TRPC4: variants seen among roughly 807,000 people sequenced by gnomAD.
TRPC4 encodes short transient receptor potential channel 4.
In TRPC4, 49 loss-of-function variants were observed where a neutral mutation model predicts 99.4. That is an observed-to-expected ratio of 0.49 (90% CI 0.39 to 0.63). The LOEUF is 0.63. Among genes scored for constraint, TRPC4 ranks in the 20% least tolerant of loss-of-function variants. The probability of loss-of-function intolerance (pLI) is 0.00; values close to 1 mark genes in which losing one functional copy is unlikely to be tolerated. For synonymous variants in TRPC4, 454 were observed against 425.9 expected, an observed-to-expected ratio of 1.07 and a Z score of -0.81; for missense variants, 898 against 1,152.9, an observed-to-expected ratio of 0.78 and a Z score of 3.20.
At chr13:37,682,773 C>CA (rs906494099) in intron 4 of TRPC4, among the ~76,000 whole-genome samples, 4 of 152,078 alleles carry the variant, frequency 2.6e-5, no homozygotes, top group African/African-American at 9.7e-5. Context: ...TTTTTAGAGA[C>CA]AGAGTCTCAC....
chr13:37,752,491 T>C (rs1385932368), intron 2 of TRPC4, among the ~76,000 whole-genome samples: 1 of 151,888 alleles, frequency 6.6e-6, no homozygotes, highest in Non-Finnish European at 1.5e-5. Flanking sequence ...GAAGAGCCGG[T>C]CACAGATAGT....
chr13:37,738,625 A>G (rs1009397269), intron 3 of TRPC4, among the ~76,000 whole-genome samples: 3 of 152,180 alleles, frequency 2.0e-5, no homozygotes, highest in African/African-American at 7.2e-5. Context: ...CAAACTTCCC[A>G]GGTGATTCTA....
chr13:37,859,506 A>G (rs1253598049), intron 1 of TRPC4, among the ~76,000 whole-genome samples: 7 of 151,514 alleles, frequency 4.6e-5, no homozygotes, highest in African/African-American at 9.7e-5. Context: ...GAAAACACAC[A>G]TTAACCTCAA....
chr13:37,686,406 A>T (rs1303624782), intron 4 of TRPC4, among the ~76,000 whole-genome samples: 1 of 151,650 alleles, frequency 6.6e-6, no homozygotes, highest in African/African-American at 2.4e-5. Context: ...AAAAACCATA[A>T]CTGGTTATAC....
intron 1 of TRPC4, among the ~76,000 whole-genome samples, chr13:37,867,061 C>A (rs995057967): frequency 6.6e-6 from 1 of 151,516 alleles, no homozygotes; most frequent in Non-Finnish European, 1.5e-5. Flanking sequence ...AGCTATATGG[C>A]AATGATGGTT....
Position 37,745,958 on chromosome 13 carries a change from G to T in TRPC4, c.876C>A (p.Ala292=). ...SGNDLARLKL[A]IKYRQKEFVA... ...TCACCTCTTTTTGACGGTACTTAAT[G>T]GCCAATTTTAGTCTTGCAAGATCAT... is the stretch of plus-strand genomic sequence containing the variant. Residue 292 remains alanine, a synonymous_variant, in exon 3 of 11, where the codon GCC becomes GCA. Coordinates refer to ENST00000379705, the MANE Select transcript of TRPC4 (RefSeq NM_016179.4). 6.2e-7 allele frequency: 1 copy of T among 1,612,862 alleles called. No individual in the cohort carries two copies. Among genetic ancestry groups the T allele is most frequent in the South Asian group, 1.1e-5 (1 of 90,996 alleles).
At chr13:37,821,258 G>C (rs1958004060) in intron 1 of TRPC4, among the ~76,000 whole-genome samples, 1 of 147,506 alleles carries the variant, frequency 6.8e-6, no homozygotes, top group African/African-American at 2.5e-5. Flanking sequence ...AGCTGACCAG[G>C]GAGGTGAAAG....
intron 2 of TRPC4, among the ~76,000 whole-genome samples, chr13:37,761,745 G>A (rs927890329): frequency 6.6e-6 from 1 of 151,808 alleles, no homozygotes; most frequent in Non-Finnish European, 1.5e-5. Context: ...CCAGAAAACT[G>A]TCTTGTTCAG....
At chr13:37,864,725 A>G (rs1337253970) in intron 1 of TRPC4, among the ~76,000 whole-genome samples, 2 of 151,574 alleles carry the variant, frequency 1.3e-5, no homozygotes. Context: ...CTTTGCTTGT[A>G]TTTATACTTG....
chr13:37,656,481 A>C (rs1166655288), intron 6 of TRPC4, among the ~76,000 whole-genome samples: 1 of 152,138 alleles, frequency 6.6e-6, no homozygotes, highest in Non-Finnish European at 1.5e-5. Flanking sequence ...TTTTATGGAA[A>C]GGTAGTCCTT....
intron 4 of TRPC4, among the ~76,000 whole-genome samples, chr13:37,675,152 C>T (rs1191717281): frequency 6.6e-6 from 1 of 152,070 alleles, no homozygotes; most frequent in Non-Finnish European, 1.5e-5. Context: ...TAGGATAATA[C>T]TCTGAAACAT....
chr13:37,820,767 G>A (rs192902420), intron 1 of TRPC4, among the ~76,000 whole-genome samples: 3 of 152,052 alleles, frequency 2.0e-5, no homozygotes, highest in African/African-American at 7.2e-5. Flanking sequence ...CAACAAACTA[G>A]GCATTGAAGG....
At chr13:37,869,302 T>C (rs1593354756) in intron 1 of TRPC4, among the ~76,000 whole-genome samples, 1 of 151,864 alleles carries the variant, frequency 6.6e-6, no homozygotes, top group Admixed American at 6.6e-5. Flanking sequence ...ACACCGGGGG[T>C]TCACTCCTCG....
At chr13:37,843,672 A>T (rs1334381859) in intron 1 of TRPC4, among the ~76,000 whole-genome samples, 1 of 140,434 alleles carries the variant, frequency 7.1e-6, no homozygotes, top group Admixed American at 7.5e-5. Flanking sequence ...TCTTCAACTG[A>T]TGTTTGGTGA....
At chr13:37,750,042 T>G (rs1955888927) in intron 2 of TRPC4, among the ~76,000 whole-genome samples, 1 of 152,164 alleles carries the variant, frequency 6.6e-6, no homozygotes, top group Admixed American at 6.6e-5. Context: ...GTTATCAGTA[T>G]AAGTAACTTT....
chr13:37,845,115 T>C (rs1426417809), intron 1 of TRPC4, among the ~76,000 whole-genome samples: 1 of 152,162 alleles, frequency 6.6e-6, no homozygotes, highest in Non-Finnish European at 1.5e-5. Context: ...CCAGTCTAAT[T>C]AGAGAACCCA....
chr13:37,759,497 A>G (rs976503055), intron 2 of TRPC4, among the ~76,000 whole-genome samples: 7 of 151,944 alleles, frequency 4.6e-5, no homozygotes, highest in African/African-American at 1.7e-4. Context: ...TTTGCAACAT[A>G]TGAGACATAC....
intron 1 of TRPC4, among the ~76,000 whole-genome samples, chr13:37,844,526 C>A (rs1412658640): frequency 1.3e-5 from 2 of 152,118 alleles, no homozygotes; most frequent in Admixed American, 6.6e-5. Context: ...AACTCCTGAC[C>A]TCAGGCGATT....
chr13:37,695,720 A>G (rs1319292897), intron 3 of TRPC4, among the ~76,000 whole-genome samples: 9 of 152,244 alleles, frequency 5.9e-5, no homozygotes, highest in Admixed American at 5.2e-4. Flanking sequence ...AAGTTTGAAA[A>G]GTCTGATCTC....
Sources: gnomAD v4.1 joint callset for allele counts (sites outside exome capture counted in the v4.1 genomes callset) on GRCh38, gnomAD v4.1.1 for gene constraint, MANE v1.5 for transcripts, NCBI Gene and HGNC (gene_info 2026-07-23, HGNC 2026-07-21) for gene names.